TTC39C: variants seen among roughly 807,000 people sequenced by gnomAD.
The protein encoded by TTC39C is tetratricopeptide repeat domain 39C.
Under a neutral mutation model 76.3 loss-of-function variants are expected in TTC39C, and 33 were observed. The observed-to-expected ratio is 0.43, with a 90% CI of 0.33 to 0.58. TTC39C has a LOEUF of 0.58. Among genes scored for constraint, TTC39C ranks in the 20% least tolerant of loss-of-function variants. TTC39C has a pLI of 0.04. For synonymous variants in TTC39C, 254 were observed against 260.6 expected (o/e 0.97, Z 0.24); for missense variants, 595 against 701.4 (o/e 0.85, Z 1.71).
At chr18:24,015,767 G>A (rs963042243) in intron 1 of TTC39C, among the ~76,000 whole-genome samples, 3 of 152,188 alleles carry the variant, frequency 2.0e-5, no homozygotes, top group East Asian at 1.9e-4. Flanking sequence ...AGGAAAACAC[G>A]TGTGTTCAGT....
intron 7 of TTC39C, among the ~76,000 whole-genome samples, chr18:24,116,843 T>C (rs1599341863): frequency 7.3e-6 from 1 of 136,964 alleles, no homozygotes; most frequent in African/African-American, 3.1e-5. Flanking sequence ...TTTTTTTTTT[T>C]AAGACAGGGT....
intron 7 of TTC39C, among the ~76,000 whole-genome samples, chr18:24,116,860 G>A (rs900601722): frequency 6.4e-5 from 7 of 109,630 alleles, no homozygotes; most frequent in African/African-American, 2.2e-4. Context: ...GGGTCTCACT[G>A]TGTCATCCAG....
In TTC39C at chr18:24,064,121, G is replaced by A. The variant is rs1195714206; in HGVS notation, c.168-19G>A. 5 of 1,612,894 alleles carry A rather than the reference G, an allele frequency of 3.1e-6. No homozygotes were observed. The Admixed American group carries it at 6.7e-5, about 22-fold the overall frequency. On this transcript the variant is annotated intron_variant, in intron 1 of 13. Transcript: ENST00000317571. ...GAAAATAATTGTATTTTGTGTGTGT[G>A]TGTGTGTTTTTTTAACAGAAATCAT...
At chr18:24,099,939 A>G (rs1481016707) in intron 6 of TTC39C, among the ~76,000 whole-genome samples, 2 of 152,206 alleles carry the variant, frequency 1.3e-5, no homozygotes, top group African/African-American at 4.8e-5. Flanking sequence ...TTATTTTATT[A>G]GACTAATTTG....
rs1555779358 is a variant in TTC39C, at chr18:24,134,257, G to GTTGTTTTTTTTTTTTTT, written c.*1685_*1686insGTTTTTTTTTTTTTTTT. The GTTGTTTTTTTTTTTTTT allele has an allele frequency of 1.0e-4, 5 of 48,724 alleles. 1 individual carries two copies. Among genetic ancestry groups the GTTGTTTTTTTTTTTTTT allele is most frequent in the Admixed American group, 2.9e-4 (1 of 3,506 alleles). The allele number at this position is 48,724 out of a possible 1,614,324, so 3.0% of individuals were successfully genotyped here. On this transcript the variant is annotated 3_prime_UTR_variant, in exon 14 of 14. Coordinates refer to ENST00000317571, the MANE Select transcript of TTC39C (RefSeq NM_001135993.2). Reference sequence around the variant, plus strand: ...TGGTGCCCAAAAATATTGGACATCTGTTTTTTGTTTTTTTTTTTTTTTTTT... The same window carrying GTTGTTTTTTTTTTTTTT: ...TGGTGCCCAAAAATATTGGACATCTGTTGTTTTTTTTTTTTTTTTTTTTGTTTTTTTTTTTTTTTTTT...
chr18:24,089,202 A>G (rs539490788), intron 6 of TTC39C, among the ~76,000 whole-genome samples: 2 of 152,280 alleles, frequency 1.3e-5, no homozygotes, highest in South Asian at 2.1e-4. Context: ...CCCCATCTCT[A>G]GGGTACGTTG....
chr18:24,134,829 T>A lies in TTC39C; in HGVS notation c.*2255T>A, dbSNP rs188533599. ...GTGCTTTTGAATCTTTTTCAAAACATTTATTTCTGCCTGCTTAAAAAAAAT... is the reference window on the plus strand; with the variant it reads ...GTGCTTTTGAATCTTTTTCAAAACAATTATTTCTGCCTGCTTAAAAAAAAT... On this transcript the variant is annotated 3_prime_UTR_variant, in exon 14 of 14. Coordinates refer to ENST00000317571, the MANE Select transcript of TTC39C (RefSeq NM_001135993.2). The A allele has an allele frequency of 1.3e-5, 2 of 152,198 alleles. No homozygotes were observed. Among genetic ancestry groups the A allele is most frequent in the African/African-American group, 2.4e-5 (1 of 41,454 alleles). 9.4% of individuals were successfully genotyped at this position (152,198 alleles called of 1,614,324 possible).
Position 24,048,963 on chromosome 18 carries a change from A to T in TTC39C, c.168-15177A>T, listed in dbSNP as rs147017437. Among the ~76,000 whole-genome samples the T allele has an allele frequency of 1.6e-3, 240 of 152,356 alleles. 1 individual carries two copies. Among genetic ancestry groups the T allele is most frequent in the Non-Finnish European group, 2.1e-3 (141 of 68,038 alleles). ...AGTTATGGAATGAATATGTCAATAC[A>T]TGATTATGTGGTTCTTAAGACGCGT... is the stretch of plus-strand genomic sequence containing the variant. On this transcript the variant is annotated intron_variant, in intron 1 of 13. Transcript: ENST00000317571.
intron 1 of TTC39C, among the ~76,000 whole-genome samples, chr18:24,017,242 T>C (rs2083464220): frequency 1.3e-5 from 2 of 152,188 alleles, no homozygotes; most frequent in Admixed American, 1.3e-4. Context: ...CAAAAGGTGC[T>C]TCTGATGTAT....
At chr18:24,015,090 G>C (rs2083436541) in intron 1 of TTC39C, 52 bp downstream of exon 1, 1 of 1,359,692 alleles carries the variant, frequency 7.4e-7, no homozygotes, top group Non-Finnish European at 9.6e-7. Flanking sequence ...CCTCGTGTCC[G>C]GCTCACGCGC....
chr18:24,019,806 C>A lies in TTC39C; in HGVS notation c.167+4768C>A. The A allele has an allele frequency of 2.1e-6, 3 of 1,422,236 alleles. No individual in the cohort carries two copies. In the South Asian group the frequency reaches 3.9e-5, roughly 18 times the overall value. 88.1% of individuals were successfully genotyped at this position (1,422,236 alleles called of 1,614,324 possible). A position where few individuals can be genotyped will look rare whatever the true frequency, so the allele number is the denominator to read the frequency against. ...CTACACCTGCAGAAATGAGTAGTGT[C>A]AGAGACCATATGGCATGCAAAGCCT... is the stretch of plus-strand genomic sequence containing the variant. On this transcript the variant is annotated intron_variant, in intron 1 of 13. Coordinates refer to ENST00000317571, the MANE Select transcript of TTC39C (RefSeq NM_001135993.2).
At chr18:24,058,110 T>G (rs111414535) in intron 1 of TTC39C, among the ~76,000 whole-genome samples, 18,634 of 152,182 alleles carry the variant, frequency 0.12, 1,382 homozygotes, top group East Asian at 0.38. Flanking sequence ...AGCTAAACAC[T>G]GAGTGCACTT....
At chr18:24,119,583 C>T (rs1568444852) in intron 8 of TTC39C, among the ~76,000 whole-genome samples, 1 of 151,974 alleles carries the variant, frequency 6.6e-6, no homozygotes, top group Non-Finnish European at 1.5e-5. Context: ...CAGTGCAAAG[C>T]CCTCTTTTGT....
chr18:24,010,277 C>T (rs974355204), upstream of TTC39C, among the ~76,000 whole-genome samples: 3 of 152,174 alleles, frequency 2.0e-5, no homozygotes, highest in African/African-American at 7.2e-5. Context: ...TATTTGGCTA[C>T]GGTTTGAACA....
At chr18:24,102,924 T>C (rs983872684) in intron 6 of TTC39C, among the ~76,000 whole-genome samples, 2 of 152,110 alleles carry the variant, frequency 1.3e-5, no homozygotes, top group East Asian at 3.9e-4. Context: ...CTGGACAACA[T>C]GGCGAAACCC....
intron 3 of TTC39C, among the ~76,000 whole-genome samples, chr18:24,067,113 G>A (rs1380464177): frequency 1.3e-5 from 2 of 152,222 alleles, no homozygotes; most frequent in Non-Finnish European, 2.9e-5. Context: ...TTCTGTCATT[G>A]TGATAGCATA....
intron 6 of TTC39C, among the ~76,000 whole-genome samples, chr18:24,110,135 A>G (rs112601942): frequency 1.3e-5 from 2 of 152,342 alleles, no homozygotes; most frequent in African/African-American, 4.8e-5. Context: ...GCCTCAGGTA[A>G]TATGTTCCTG....
intron 1 of TTC39C, among the ~76,000 whole-genome samples, chr18:24,037,163 G>T (rs2083742665): frequency 6.6e-6 from 1 of 152,064 alleles, no homozygotes; most frequent in Non-Finnish European, 1.5e-5. Flanking sequence ...GTTAGCTGTG[G>T]GTTTAATGTT....
intron 6 of TTC39C, among the ~76,000 whole-genome samples, chr18:24,100,325 G>A (rs971181339): frequency 2.0e-5 from 3 of 152,198 alleles, no homozygotes; most frequent in Non-Finnish European, 4.4e-5. Flanking sequence ...AGAAGCTCAG[G>A]GTTTAGGGCT....
Sources: allele counts gnomAD v4.1 joint callset (sites outside exome capture counted in the v4.1 genomes callset), GRCh38; gene constraint gnomAD v4.1.1; transcripts MANE v1.5; gene names NCBI Gene and HGNC (gene_info 2026-07-23, HGNC 2026-07-21).